CAMK4: variants seen among roughly 807,000 people sequenced by gnomAD.
CAMK4 encodes the protein calcium/calmodulin-dependent protein kinase type IV.
Under a neutral mutation model 44.9 loss-of-function variants are expected in CAMK4, and 22 were observed. The observed-to-expected ratio is 0.49, with a 90% CI of 0.35 to 0.70. CAMK4 has a LOEUF of 0.70. Ranked by LOEUF, CAMK4 falls within the 30% of genes least tolerant of loss-of-function variation. The pLI, the probability that CAMK4 is intolerant of heterozygous loss-of-function variation, is 0.01. For synonymous variants in CAMK4, 218 were observed against 215.4 expected (o/e 1.01, Z -0.11); for missense variants, 498 against 586.8 (o/e 0.85, Z 1.56).
intron 1 of CAMK4, among the ~76,000 whole-genome samples, chr5:111,314,134 A>G (rs1336528035): frequency 1.3e-5 from 2 of 152,242 alleles, no homozygotes; most frequent in South Asian, 2.1e-4. Context: ...TGGGGAATGC[A>G]TTTATTTAAT....
chr5:111,429,665 AC>A (rs1463191414), intron 5 of CAMK4, among the ~76,000 whole-genome samples: 1 of 150,880 alleles, frequency 6.6e-6, no homozygotes, highest in Non-Finnish European at 1.5e-5. Context: ...AGTCCCAGCT[AC>A]TCAGGAGGCT....
At chr5:111,344,434 A>AT (rs869242598) in intron 2 of CAMK4, among the ~76,000 whole-genome samples, 3 of 174 alleles carry the variant, frequency 0.017, no homozygotes, top group African/African-American at 0.06. Context: ...ACACACACAT[A>AT]CACACACACA....
In CAMK4 at chr5:111,475,671, C is replaced by G. The variant is rs371637043; in HGVS notation, c.701+2285C>G. Among the ~76,000 whole-genome samples the G allele has an allele frequency of 2.0e-5, 3 of 152,326 alleles. No individual in the cohort carries two copies. In the East Asian group the frequency reaches 5.8e-4, roughly 29 times the overall value. On this transcript the variant is annotated intron_variant, in intron 8 of 10. Coordinates refer to ENST00000282356, the MANE Select transcript of CAMK4 (RefSeq NM_001744.6). ...ATGAAAATAACAGTGCTGCTTACAA[C>G]TAATATTCTTTAGTTTTTGGCTAAC...
intron 1 of CAMK4, among the ~76,000 whole-genome samples, chr5:111,331,826 A>C (rs1445779454): frequency 6.6e-6 from 1 of 151,704 alleles, no homozygotes; most frequent in Non-Finnish European, 1.5e-5. Flanking sequence ...AAAGTTCCAT[A>C]GTTTTGATCT....
At chr5:111,433,087 A>G (rs1273282318) in intron 5 of CAMK4, among the ~76,000 whole-genome samples, 1 of 152,212 alleles carries the variant, frequency 6.6e-6, no homozygotes, top group Non-Finnish European at 1.5e-5. Context: ...AGAAGATGGT[A>G]TTAATCTGGG....
chr5:111,428,212 T>G (rs1019417045), intron 5 of CAMK4, among the ~76,000 whole-genome samples: 4 of 152,224 alleles, frequency 2.6e-5, no homozygotes, highest in African/African-American at 9.7e-5. Context: ...ACAGCTTAGA[T>G]CACTACACCA....
At chr5:111,226,412 G>A (rs576799542) in intron 1 of CAMK4, among the ~76,000 whole-genome samples, 5 of 152,120 alleles carry the variant, frequency 3.3e-5, no homozygotes, top group African/African-American at 9.7e-5. Context: ...AATATTAATC[G>A]GTTATACAGA....
intron 4 of CAMK4, 76 bp from the exon 5 acceptor site, chr5:111,394,634 A>G: frequency 2.1e-6 from 2 of 953,150 alleles, no homozygotes; most frequent in Non-Finnish European, 3.3e-6. Flanking sequence ...TTTAACATTA[A>G]TTTACTTAAC....
At chr5:111,356,502 G>A (rs1330239465) in intron 2 of CAMK4, among the ~76,000 whole-genome samples, 1 of 152,240 alleles carries the variant, frequency 6.6e-6, no homozygotes, top group Non-Finnish European at 1.5e-5. Context: ...AAGCTCTTTA[G>A]TTTAATTAGA....
Position 111,484,308 on chromosome 5 carries a change from G to A in CAMK4, c.1264G>A (p.Glu422Lys), listed in dbSNP as rs767364762. Residue 422 changes from glutamate (E) to lysine (K), a missense_variant, in exon 11 of 11, where the codon GAG (glutamate) becomes AAG (lysine). Physicochemically the swap from Glu to Lys is moderately conservative, Grantham distance 56. Coordinates refer to ENST00000282356, the MANE Select transcript of CAMK4 (RefSeq NM_001744.6). The surrounding 1 kb of genome is among the most constrained non-coding windows in gnomAD (Gnocchi z 5.3). ...EAPKMVPKAV[E>K]DGIKVADLEL... ...CCCCAAAATGGTGCCCAAGGCAGTG[G>A]AGGATGGGATAAAGGTGGCTGACCT... 14 of 1,613,944 alleles carry A rather than the reference G, an allele frequency of 8.7e-6. No individual in the cohort carries two copies. The highest frequency in any genetic ancestry group is 1.7e-5 in the Admixed American group (1 of 59,992).
intron 2 of CAMK4, among the ~76,000 whole-genome samples, chr5:111,370,012 A>G (rs1580662971): frequency 6.6e-6 from 1 of 152,276 alleles, no homozygotes; most frequent in East Asian, 1.9e-4. Context: ...TTACTCAGAT[A>G]TGCAGCTGGA....
At chr5:111,276,789 AT>A (rs1750778112) in intron 1 of CAMK4, among the ~76,000 whole-genome samples, 1 of 152,142 alleles carries the variant, frequency 6.6e-6, no homozygotes, top group East Asian at 1.9e-4. Flanking sequence ...AATAGTAAAA[AT>A]TTATCATAAT....
In CAMK4 at chr5:111,492,170, A is replaced by G. The variant is rs560615581; in HGVS notation, c.*7704A>G. 2 of 152,302 alleles carry G rather than the reference A, an allele frequency of 1.3e-5. No homozygotes were observed. The highest frequency in any genetic ancestry group is 3.9e-4 in the East Asian group (2 of 5,186). The allele number at this position is 152,302 out of a possible 1,614,324, so 9.4% of individuals were successfully genotyped here. A position where few individuals can be genotyped will look rare whatever the true frequency, so the allele number is the denominator to read the frequency against. ...GCTAGTGACCGAGATATGGAGAAAA[A>G]CATAGGCATTCATGACCTTTGTGTT... On this transcript the variant is annotated 3_prime_UTR_variant, in exon 11 of 11. Coordinates refer to ENST00000282356, the MANE Select transcript of CAMK4 (RefSeq NM_001744.6).
intron 1 of CAMK4, among the ~76,000 whole-genome samples, chr5:111,305,058 G>A (rs1336845866): frequency 9.2e-6 from 1 of 108,438 alleles, no homozygotes; most frequent in Admixed American, 1.0e-4. Context: ...CGAGAACAAA[G>A]ACACCACATA....
At chr5:111,263,903 G>A (rs929795511) in intron 1 of CAMK4, among the ~76,000 whole-genome samples, 28 of 152,062 alleles carry the variant, frequency 1.8e-4, no homozygotes, top group Non-Finnish European at 1.2e-4. Context: ...TTCATAGTAT[G>A]TGGTTTTGCC....
At chr5:111,334,936 A>C (rs375311459) in intron 1 of CAMK4, among the ~76,000 whole-genome samples, 1 of 151,416 alleles carries the variant, frequency 6.6e-6, no homozygotes, top group African/African-American at 2.4e-5. Context: ...TCATCTCAAG[A>C]TACCTCCCAT....
At chr5:111,419,886 C>T (rs1193096123) in intron 5 of CAMK4, among the ~76,000 whole-genome samples, 2 of 151,976 alleles carry the variant, frequency 1.3e-5, no homozygotes, top group Non-Finnish European at 1.5e-5. Flanking sequence ...GTGATGCCTA[C>T]GGCTTTGTTC....
intron 5 of CAMK4, among the ~76,000 whole-genome samples, chr5:111,401,103 A>G (rs925954121): frequency 2.0e-5 from 3 of 152,096 alleles, no homozygotes; most frequent in African/African-American, 4.8e-5. Context: ...AAATTTGTAC[A>G]TATCGAACAT....
At chr5:111,313,371 G>A (rs764107351) in intron 1 of CAMK4, among the ~76,000 whole-genome samples, 7 of 151,916 alleles carry the variant, frequency 4.6e-5, no homozygotes, top group African/African-American at 1.5e-4. Context: ...TCTATTGAAC[G>A]GTCTGTTAGA....
Sources: allele counts gnomAD v4.1 joint callset (sites outside exome capture counted in the v4.1 genomes callset), GRCh38; gene constraint gnomAD v4.1.1; non-coding constraint Gnocchi (gnomAD v3.1); transcripts MANE v1.5; gene names NCBI Gene and HGNC (gene_info 2026-07-23, HGNC 2026-07-21).